MAPK8: variants seen among roughly 807,000 people sequenced by gnomAD.
MAPK8 encodes the protein mitogen-activated protein kinase 8.
MAPK8 carries 13 observed loss-of-function variants against 52.9 expected under a neutral mutation model. The observed-to-expected ratio is 0.25, with a 90% CI of 0.16 to 0.39. MAPK8 has a LOEUF of 0.39. Ranked by LOEUF, MAPK8 falls within the 10% of genes least tolerant of loss-of-function variation. The pLI is 1.00. For synonymous variants in MAPK8, 191 were observed against 169.8 expected, an observed-to-expected ratio of 1.12 and a Z score of -0.97; for missense variants, 300 against 519.2, an observed-to-expected ratio of 0.58 and a Z score of 4.10.
chr10:48,435,330 G>GATTT lies in MAPK8; in HGVS notation c.*302_*305dup, dbSNP rs1407720313. 1 of 254,264 alleles carries GATTT rather than the reference G, an allele frequency of 3.9e-6. No individual in the cohort carries two copies. The highest frequency in any genetic ancestry group is 2.2e-5 in the African/African-American group (1 of 45,126). 15.8% of individuals were successfully genotyped at this position (254,264 alleles called of 1,614,324 possible). On this transcript the variant is annotated 3_prime_UTR_variant, in exon 12 of 12. Coordinates refer to ENST00000374189, the MANE Select transcript of MAPK8 (RefSeq NM_001323329.2). ...CATATTTGCTTTATCTTATGCTGCT[G>GATTT]ATTTTTTTAACTGAATTTGTAAGAT...
intron 7 of MAPK8, chr10:48,424,635 G>A (rs1388377485): frequency 1.8e-5 from 22 of 1,251,180 alleles, no homozygotes; most frequent in Non-Finnish European, 2.5e-5. Context: ...CAAAATGTAT[G>A]ATAGCACTTC....
At chr10:48,307,391 C>T (rs1042252857) in intron 1 of MAPK8, among the ~76,000 whole-genome samples, 1 of 152,194 alleles carries the variant, frequency 6.6e-6, no homozygotes, top group African/African-American at 2.4e-5. Context: ...CAGCTCTGGG[C>T]TGCAGGGCAG....
At chr10:48,364,036 A>G (rs1222091275) in intron 1 of MAPK8, among the ~76,000 whole-genome samples, 4 of 152,306 alleles carry the variant, frequency 2.6e-5, no homozygotes, top group African/African-American at 9.6e-5. Context: ...TTAATAATTC[A>G]TCCATTTCTT....
intron 1 of MAPK8, among the ~76,000 whole-genome samples, chr10:48,312,320 C>G (rs938252113): frequency 1.3e-5 from 2 of 152,176 alleles, no homozygotes; most frequent in African/African-American, 2.4e-5. Context: ...AGATGCTACT[C>G]AGGTACTAAC....
At chr10:48,370,466 G>A (rs1340732146) in intron 1 of MAPK8, among the ~76,000 whole-genome samples, 1 of 152,138 alleles carries the variant, frequency 6.6e-6, no homozygotes, top group African/African-American at 2.4e-5. Context: ...ATATTGACAT[G>A]ATGGTGGTCT....
chr10:48,407,249 G>C (rs571917995), intron 3 of MAPK8, among the ~76,000 whole-genome samples: 1 of 152,220 alleles, frequency 6.6e-6, no homozygotes, highest in African/African-American at 2.4e-5. Flanking sequence ...CAGAAATTAC[G>C]TGTCTAACTA....
chr10:48,355,490 C>T (rs1207455234), intron 1 of MAPK8, among the ~76,000 whole-genome samples: 2 of 122,732 alleles, frequency 1.6e-5, no homozygotes, highest in Non-Finnish European at 3.2e-5. Context: ...GCCTGGGTGA[C>T]AGAGCCAGAT....
intron 6 of MAPK8, among the ~76,000 whole-genome samples, chr10:48,421,160 A>G (rs2043331704): frequency 6.6e-6 from 1 of 152,208 alleles, no homozygotes; most frequent in Non-Finnish European, 1.5e-5. Flanking sequence ...ATAGCAGTTC[A>G]TTTTGAATCA....
chr10:48,432,054 T>C (rs1268998970), intron 11 of MAPK8, among the ~76,000 whole-genome samples: 1 of 152,186 alleles, frequency 6.6e-6, no homozygotes, highest in African/African-American at 2.4e-5. Flanking sequence ...GAGTGTGTGG[T>C]TTTTTCAGCC....
intron 1 of MAPK8, among the ~76,000 whole-genome samples, chr10:48,380,540 T>C (rs1322178903): frequency 4.6e-5 from 7 of 151,228 alleles, no homozygotes; most frequent in Non-Finnish European, 8.8e-5. Flanking sequence ...GAGACCAGCC[T>C]AGCTAACATG....
In MAPK8 at chr10:48,410,138, G is replaced by A. The variant is rs1159239145; in HGVS notation, c.420G>A (p.Lys140=). 1 of 1,563,302 alleles carries A rather than the reference G, an allele frequency of 6.4e-7. No homozygotes were observed. The highest frequency in any genetic ancestry group is 8.6e-7 in the Non-Finnish European group (1 of 1,156,958). The change falls in exon 5 of 12, where the codon AAG becomes AAA. Residue 140 remains lysine, a synonymous_variant. Coordinates refer to ENST00000374189, the MANE Select transcript of MAPK8 (RefSeq NM_001323329.2). ...TCTATCAGATGCTGTGTGGAATCAA[G>A]CACCTTCATTCTGCTGGAATTATTC... is the stretch of plus-strand genomic sequence containing the variant. ...YLLYQMLCGI[K]HLHSAGIIHR...
chr10:48,417,427 AATT>A (rs879592898), intron 5 of MAPK8, among the ~76,000 whole-genome samples: 10 of 152,296 alleles, frequency 6.6e-5, no homozygotes, highest in Non-Finnish European at 1.0e-4. Flanking sequence ...AGGGTTTCAT[AATT>A]ATTATGTGAA....
intron 1 of MAPK8, among the ~76,000 whole-genome samples, chr10:48,340,180 G>C (rs61838668): frequency 0.038 from 5,830 of 152,248 alleles, 119 homozygotes; most frequent in African/African-American, 0.047. Context: ...TTAGATAAAA[G>C]AAAATGTGGT....
chr10:48,335,739 A>G (rs1277648928), intron 1 of MAPK8, among the ~76,000 whole-genome samples: 1 of 152,222 alleles, frequency 6.6e-6, no homozygotes, highest in East Asian at 1.9e-4. Flanking sequence ...GTACTTCAGT[A>G]TATAGCAACA....
chr10:48,396,626 T>C (rs745836471), intron 1 of MAPK8, among the ~76,000 whole-genome samples: 10 of 152,166 alleles, frequency 6.6e-5, no homozygotes, highest in Admixed American at 2.0e-4. Flanking sequence ...CACAAAAACA[T>C]GTACACAAAG....
At chr10:48,407,427 A>G (rs2042533952) in intron 3 of MAPK8, among the ~76,000 whole-genome samples, 1 of 152,176 alleles carries the variant, frequency 6.6e-6, no homozygotes, top group Admixed American at 6.5e-5. Flanking sequence ...AGGAAATAGT[A>G]TTTCTCAATG....
chr10:48,397,313 G>A (rs1056269814), intron 1 of MAPK8, among the ~76,000 whole-genome samples: 3 of 151,636 alleles, frequency 2.0e-5, no homozygotes, highest in Admixed American at 6.6e-5. Context: ...TACTGTGGCA[G>A]ATTTTTTTTT....
At chr10:48,400,999 T>TACATAC (rs2042132638) in intron 1 of MAPK8, among the ~76,000 whole-genome samples, 2 of 152,246 alleles carry the variant, frequency 1.3e-5, no homozygotes, top group Non-Finnish European at 2.9e-5. Context: ...TCCTTTCTGT[T>TACATAC]TTGCTTCTCA....
chr10:48,438,729 GT>G lies in MAPK8; in HGVS notation c.*3702del, dbSNP rs1405110215. ...GTGTGTTAAATACTTTCTAGCCAATGTTGACACAATACCAGTAAGTATGTAA... is the reference window on the plus strand; with the variant it reads ...GTGTGTTAAATACTTTCTAGCCAATGTGACACAATACCAGTAAGTATGTAA... On this transcript the variant is annotated 3_prime_UTR_variant, in exon 12 of 12. Transcript: ENST00000374189. 3 of 152,154 alleles carry G rather than the reference GT, an allele frequency of 2.0e-5. No homozygotes were observed. The highest frequency in any genetic ancestry group is 6.5e-5 in the Admixed American group (1 of 15,268). The allele number at this position is 152,154 out of a possible 1,614,324, so 9.4% of individuals were successfully genotyped here.
Sources: gnomAD v4.1 joint callset for allele counts (sites outside exome capture counted in the v4.1 genomes callset) on GRCh38, gnomAD v4.1.1 for gene constraint, MANE v1.5 for transcripts, NCBI Gene and HGNC (gene_info 2026-07-23, HGNC 2026-07-21) for gene names.